PDIA4: variants seen among roughly 807,000 people sequenced by gnomAD.
PDIA4 encodes protein disulfide isomerase family A member 4.
In PDIA4, 33 loss-of-function variants were observed where a neutral mutation model predicts 62.1. The observed-to-expected ratio is 0.53, with a 90% CI of 0.40 to 0.71. The LOEUF (loss-of-function observed/expected upper bound fraction) is 0.71, where lower values mean the gene tolerates loss of function less well. Ranked by LOEUF, PDIA4 falls within the 30% of genes least tolerant of loss-of-function variation. PDIA4 has a pLI of 0.00. For synonymous variants in PDIA4, 341 were observed against 324.1 expected, an observed-to-expected ratio of 1.05 and a Z score of -0.56; for missense variants, 804 against 813.6, an observed-to-expected ratio of 0.99 and a Z score of 0.14.
At position 149,004,124 on chromosome 7, in the gene PDIA4, G is replaced by A; in HGVS notation, c.1608C>T (p.Asp536=). Residue 536 remains aspartate (D), a synonymous_variant, in exon 10 of 10, where the codon GAC becomes GAT. Transcript: ENST00000652332. ...CCTTCTTGGGGTCCATCACAATGGA[G>A]TCAAAGGTCTTTCCCACCACGACCT... ...PVKVVVGKTF[D]SIVMDPKKDV... The A allele has an allele frequency of 6.2e-7, 1 of 1,614,106 alleles. No homozygotes were observed. The highest frequency in any genetic ancestry group is 8.5e-7 in the Non-Finnish European group (1 of 1,180,000).
rs1823825143 is a variant in PDIA4 at position 149,008,158 on chromosome 7, C to T, written c.1131+1G>A. The T allele has an allele frequency of 1.2e-6, 2 of 1,613,264 alleles. No individual in the cohort carries two copies. The highest frequency in any genetic ancestry group is 1.1e-5 in the South Asian group (1 of 90,926). On this transcript the variant is annotated splice_donor_variant, in intron 7 of 9. Coordinates refer to ENST00000652332, the MANE Select transcript of PDIA4 (RefSeq NM_004911.5). LOFTEE classifies it high-confidence loss of function. ...CTGGCATGGCAGAGGGGCCCGCTTA[C>T]CTGGACGTCCATCATGTGGCTCCGG... is the stretch of plus-strand genomic sequence containing the variant.
intron 3 of PDIA4, among the ~76,000 whole-genome samples, chr7:149,015,826 G>C (rs73474090): frequency 0.029 from 4,491 of 152,350 alleles, 126 homozygotes; most frequent in East Asian, 0.073. Flanking sequence ...AAGTGTCTGT[G>C]CCCTGCCCCC....
intron 3 of PDIA4, among the ~76,000 whole-genome samples, chr7:149,018,356 C>A (rs555840320): frequency 6.6e-6 from 1 of 152,304 alleles, no homozygotes; most frequent in Admixed American, 6.5e-5. Flanking sequence ...AGATGACTGA[C>A]GCTTGCTAAA....
chr7:149,019,041 G>C lies in PDIA4; in HGVS notation c.426C>G (p.Ile142Met), dbSNP rs1478501665. The C allele has an allele frequency of 1.2e-5, 19 of 1,613,674 alleles. No homozygotes were observed. Among genetic ancestry groups the C allele is most frequent in the Non-Finnish European group, 1.6e-5 (19 of 1,179,960 alleles). The change falls in exon 3 of 10, where the codon ATC becomes ATG. Residue 142 changes from isoleucine to methionine, a missense_variant. Coordinates refer to ENST00000652332, the MANE Select transcript of PDIA4 (RefSeq NM_004911.5). ...FDVSGYPTIK[I>M]LKKGQAVDYE... Reference sequence around the variant, plus strand: ...AGTCTACAGCCTGCCCCTTCTTAAGGATCTTGATGGTGGGGTAGCCACTCA... The same window carrying C: ...AGTCTACAGCCTGCCCCTTCTTAAGCATCTTGATGGTGGGGTAGCCACTCA...
rs1289554420 is a variant in PDIA4, at chr7:149,017,718, CGAAAT to C, written c.475+1269_475+1273del. 4.6e-5 allele frequency among the ~76,000 whole-genome samples: 7 copies of C among 150,880 alleles called. No individual in the cohort carries two copies. In the East Asian group the frequency reaches 1.4e-3, roughly 29 times the overall value. ...CAAAATAAAATTAAATACATTTTAT[CGAAAT>C]AAAATTAAATAAAAATCAAATAATT... On this transcript the variant is annotated intron_variant, in intron 3 of 9. Transcript: ENST00000652332.
intron 1 of PDIA4, chr7:149,027,757 AGAAGG>A: frequency 2.3e-6 from 1 of 429,998 alleles, no homozygotes; most frequent in Middle Eastern, 3.5e-4. Context: ...TGCTAAATGC[AGAAGG>A]AATGGTATCT....
In PDIA4 at chr7:149,019,203, A is replaced by G. The variant is rs770531492; in HGVS notation, c.270-6T>C. 1 of 1,602,904 alleles carries G rather than the reference A, an allele frequency of 6.2e-7. No individual in the cohort carries two copies. The highest frequency in any genetic ancestry group is 8.5e-7 in the Non-Finnish European group (1 of 1,169,866). ...ACTGCTTGCAATGTCCACACCTAACAATTAGATTAGGAAGGGCAAAAAACG... is the reference window on the plus strand; with the variant it reads ...ACTGCTTGCAATGTCCACACCTAACGATTAGATTAGGAAGGGCAAAAAACG... On this transcript the variant is annotated splice_region_variant and splice_polypyrimidine_tract_variant and intron_variant, in intron 2 of 9. Coordinates refer to ENST00000652332, the MANE Select transcript of PDIA4 (RefSeq NM_004911.5).
chr7:149,007,205 C>T lies in PDIA4; in HGVS notation c.1131+954G>A, dbSNP rs541588258. 2.2e-4 allele frequency among the ~76,000 whole-genome samples: 33 copies of T among 152,262 alleles called. No individual in the cohort carries two copies. The South Asian group carries it at 3.5e-3, about 16-fold the overall frequency. On this transcript the variant is annotated intron_variant, in intron 7 of 9. Transcript: ENST00000652332. Reference sequence around the variant, plus strand: ...TGAGAAAGAGGGACAGGACTAAAAACTGAGGAAGGAAACAGAGGACATGGG... The same window carrying T: ...TGAGAAAGAGGGACAGGACTAAAAATTGAGGAAGGAAACAGAGGACATGGG...
intron 7 of PDIA4, among the ~76,000 whole-genome samples, chr7:149,006,679 G>A (rs182572068): frequency 8.5e-5 from 13 of 152,354 alleles, no homozygotes; most frequent in Non-Finnish European, 2.9e-5. Context: ...AGCAGAGACT[G>A]AGGCAGGGCA....
At chr7:149,006,490 G>C (rs1296555620) in intron 7 of PDIA4, among the ~76,000 whole-genome samples, 1 of 152,232 alleles carries the variant, frequency 6.6e-6, no homozygotes, top group Non-Finnish European at 1.5e-5. Context: ...TCGCCCTCCA[G>C]GGGTGGGCAG....
Position 149,004,106 on chromosome 7 carries a change from G to C in PDIA4, c.1626C>G (p.Pro542=), listed in dbSNP as rs1823654635. The C allele has an allele frequency of 1.9e-6, 3 of 1,614,076 alleles. No individual in the cohort carries two copies. The highest frequency in any genetic ancestry group is 2.5e-6 in the Non-Finnish European group (3 of 1,179,988). ...AGAACTCGATGAGGACGTCCTTCTT[G>C]GGGTCCATCACAATGGAGTCAAAGG... is the stretch of plus-strand genomic sequence containing the variant. ...GKTFDSIVMD[P]KKDVLIEFYA... Residue 542 remains proline, a synonymous_variant, in exon 10 of 10, where the codon CCC becomes CCG. Coordinates refer to ENST00000652332, the MANE Select transcript of PDIA4 (RefSeq NM_004911.5).
rs759461520 is a variant in PDIA4, at chr7:149,006,016, A to G, written c.1169T>C (p.Leu390Pro). The change falls in exon 8 of 10, where the codon CTG (leucine) becomes CCG (proline). Residue 390 changes from leucine (L) to proline (P), a missense_variant. Coordinates refer to ENST00000652332, the MANE Select transcript of PDIA4 (RefSeq NM_004911.5). ...GCCAACCAGGGGCAGGGCGTACTTC[A>G]GCACGAAGTCCTTGATGGCCGAGTC... ...TQDSAIKDFV[L>P]KYALPLVGHR... The G allele has an allele frequency of 2.6e-6, 4 of 1,558,886 alleles. No individual in the cohort carries two copies. The highest frequency in any genetic ancestry group is 3.4e-6 in the Non-Finnish European group (4 of 1,159,464).
At chr7:149,026,340 C>T (rs944559745) in intron 1 of PDIA4, among the ~76,000 whole-genome samples, 18 of 151,940 alleles carry the variant, frequency 1.2e-4, no homozygotes, top group Admixed American at 1.0e-3. Context: ...GAGACCCCAT[C>T]TCTACCAAAA....
chr7:149,005,030 T>A (rs1487529355), intron 9 of PDIA4, 111 bp downstream of exon 9: 36 of 795,774 alleles, frequency 4.5e-5, no homozygotes, highest in Middle Eastern at 6.6e-4. Flanking sequence ...CTGGCTGACT[T>A]AAGGGGGTGT....
At chr7:149,010,658 C>A (rs1000617041) in intron 6 of PDIA4, among the ~76,000 whole-genome samples, 7 of 152,170 alleles carry the variant, frequency 4.6e-5, no homozygotes, top group Non-Finnish European at 7.4e-5. Flanking sequence ...CCCCAGCCGC[C>A]CTCTCTGCTC....
chr7:149,006,009 G>A lies in PDIA4; in HGVS notation c.1176C>T (p.Tyr392=), dbSNP rs139256127. ...TGCGGTGGCCAACCAGGGGCAGGGC[G>A]TACTTCAGCACGAAGTCCTTGATGG... ...DSAIKDFVLK[Y]ALPLVGHRKV... is the part of the protein sequence containing the mutation. The change falls in exon 8 of 10, where the codon TAC becomes TAT. Residue 392 remains tyrosine, a synonymous_variant. Transcript: ENST00000652332. The A allele has an allele frequency of 6.9e-5, 108 of 1,554,768 alleles. No homozygotes were observed. The highest frequency in any genetic ancestry group is 8.9e-5 in the Non-Finnish European group (103 of 1,158,136).
At chr7:149,020,294 C>T (rs1487114996) in intron 2 of PDIA4, among the ~76,000 whole-genome samples, 2 of 152,156 alleles carry the variant, frequency 1.3e-5, no homozygotes, top group Admixed American at 6.6e-5. Context: ...ACTTGTGCTA[C>T]GCTTGACCCT....
chr7:149,025,273 C>T (rs1312237664), intron 1 of PDIA4, among the ~76,000 whole-genome samples: 1 of 151,946 alleles, frequency 6.6e-6, no homozygotes, highest in African/African-American at 2.4e-5. Context: ...TGTCCACTCC[C>T]ACGGGGCACA....
At chr7:149,019,284 A>G (rs1824259798) in intron 2 of PDIA4, 87 bp from the exon 3 acceptor site, 1 of 975,308 alleles carries the variant, frequency 1.0e-6, no homozygotes, top group Non-Finnish European at 1.6e-6. Flanking sequence ...TTTGGTTTGG[A>G]TGTGGTTTGT....
Sources: allele counts gnomAD v4.1 joint callset (sites outside exome capture counted in the v4.1 genomes callset), GRCh38; gene constraint gnomAD v4.1.1; transcripts MANE v1.5; gene names NCBI Gene and HGNC (gene_info 2026-07-23, HGNC 2026-07-21).